Variants in ATG7 observed in about 807,000 individuals in gnomAD.
ATG7 encodes autophagy related 7.
ATG7 carries 70 observed loss-of-function variants against 82.4 expected under a neutral mutation model. The ratio of observed to expected loss-of-function variants is 0.85; its 90% CI spans 0.70 to 1.04. The LOEUF (loss-of-function observed/expected upper bound fraction) is 1.04, where lower values mean the gene tolerates loss of function less well. Ranked by LOEUF, ATG7 falls within the 50% of genes least tolerant of loss-of-function variation. The pLI, the probability that ATG7 is intolerant of heterozygous loss-of-function variation, is 0.00. For synonymous variants in ATG7, 287 were observed against 313.0 expected (o/e 0.92, Z 0.88); for missense variants, 792 against 864.3 (o/e 0.92, Z 1.05).
Position 11,404,070 on chromosome 3 carries a change from G to A in ATG7, c.1957-22734G>A, listed in dbSNP as rs545784381. 9.2e-4 allele frequency among the ~76,000 whole-genome samples: 138 copies of A among 150,468 alleles called. 1 individual carries two copies. The highest frequency in any genetic ancestry group is 3.1e-3 in the African/African-American group (127 of 40,936). On this transcript the variant is annotated intron_variant, in intron 19 of 20. Coordinates refer to ENST00000693202, the MANE Select transcript of ATG7 (RefSeq NM_001349232.2). ...TCTCAAATATTGGATTAATTGGTCA[G>A]AGCATCCATTTAAACATTTTGATTT...
intron 20 of ATG7, among the ~76,000 whole-genome samples, chr3:11,444,010 T>C (rs554468393): frequency 3.3e-5 from 5 of 152,206 alleles, no homozygotes; most frequent in African/African-American, 1.2e-4. Flanking sequence ...AACTTCAGTC[T>C]GGTATATGGG....
intron 20 of ATG7, among the ~76,000 whole-genome samples, chr3:11,468,359 G>A (rs529784833): frequency 1.3e-5 from 2 of 152,296 alleles, no homozygotes; most frequent in East Asian, 1.9e-4. Context: ...TGGAAGAACT[G>A]ATGGCTTTTT....
chr3:11,508,188 T>C (rs1660705775), intron 20 of ATG7, among the ~76,000 whole-genome samples: 1 of 152,102 alleles, frequency 6.6e-6, no homozygotes, highest in African/African-American at 2.4e-5. Context: ...TTACTAGCTA[T>C]GGACAGGCCC....
At chr3:11,326,046 A>G (rs1050676198) in intron 9 of ATG7, among the ~76,000 whole-genome samples, 2 of 152,170 alleles carry the variant, frequency 1.3e-5, no homozygotes, top group African/African-American at 4.8e-5. Context: ...TGGAGCCTGA[A>G]GAAATCCTTT....
intron 20 of ATG7, among the ~76,000 whole-genome samples, chr3:11,475,887 ACACACACACACACACACACACC>A (rs944183173): frequency 2.0e-5 from 3 of 150,170 alleles, no homozygotes; most frequent in African/African-American, 4.9e-5. Flanking sequence ...ACACACACAC[ACACACACACACACACACACACC>A]CCCTCCCAGA....
intron 20 of ATG7, among the ~76,000 whole-genome samples, chr3:11,486,074 T>C (rs1006552151): frequency 6.6e-5 from 10 of 152,228 alleles, no homozygotes; most frequent in African/African-American, 2.4e-4. Context: ...TCCAATTCTG[T>C]GAAGAAGGTC....
intron 20 of ATG7, among the ~76,000 whole-genome samples, chr3:11,500,681 C>T (rs77419935): frequency 0.032 from 4,864 of 152,202 alleles, 116 homozygotes; most frequent in Non-Finnish European, 0.05. Flanking sequence ...GAGTTTTGCT[C>T]TTGTTACCCA....
intron 20 of ATG7, among the ~76,000 whole-genome samples, chr3:11,536,977 C>G (rs1007224195): frequency 6.6e-6 from 1 of 152,154 alleles, no homozygotes; most frequent in Non-Finnish European, 1.5e-5. Flanking sequence ...TCCTGGTACT[C>G]CATGATCTTG....
intron 20 of ATG7, among the ~76,000 whole-genome samples, chr3:11,469,389 C>T (rs970835982): frequency 5.5e-4 from 83 of 151,678 alleles, no homozygotes; most frequent in African/African-American, 1.9e-3. Context: ...GTGGAGGTTG[C>T]GGTGAGCTGA....
At chr3:11,454,714 A>G (rs2085530178) in intron 20 of ATG7, among the ~76,000 whole-genome samples, 1 of 152,198 alleles carries the variant, frequency 6.6e-6, no homozygotes, top group Admixed American at 6.5e-5. Flanking sequence ...CAGCGTTTCA[A>G]TCTACCTAAC....
At chr3:11,390,789 C>T (rs1443519319) in intron 19 of ATG7, among the ~76,000 whole-genome samples, 1 of 151,978 alleles carries the variant, frequency 6.6e-6, no homozygotes, top group Admixed American at 6.6e-5. Context: ...CTTAAAATGG[C>T]ACATGGGTGT....
chr3:11,508,411 A>G (rs1436338328), intron 20 of ATG7, among the ~76,000 whole-genome samples: 3 of 152,138 alleles, frequency 2.0e-5, no homozygotes, highest in Non-Finnish European at 4.4e-5. Flanking sequence ...ATTCAAAGCC[A>G]TCCTGGGCCA....
intron 11 of ATG7, among the ~76,000 whole-genome samples, chr3:11,337,367 C>T (rs1952686398): frequency 6.6e-6 from 1 of 152,002 alleles, no homozygotes; most frequent in Non-Finnish European, 1.5e-5. Flanking sequence ...GCAGGAGAAT[C>T]GCTTGAACCT....
intron 20 of ATG7, among the ~76,000 whole-genome samples, chr3:11,460,331 C>G (rs2086185551): frequency 6.6e-6 from 1 of 152,166 alleles, no homozygotes; most frequent in Non-Finnish European, 1.5e-5. Flanking sequence ...GCTAAATATG[C>G]CAAATCAGCT....
At chr3:11,495,967 C>A (rs544147466) in intron 20 of ATG7, among the ~76,000 whole-genome samples, 1 of 152,160 alleles carries the variant, frequency 6.6e-6, no homozygotes, top group South Asian at 2.1e-4. Flanking sequence ...AGGCGCGTCA[C>A]GCTAGCATTT....
chr3:11,332,921 C>T, intron 10 of ATG7, 51 bp from the exon 11 acceptor site: 1 of 1,388,456 alleles, frequency 7.2e-7, no homozygotes, highest in Admixed American at 3.4e-5. Flanking sequence ...TTTTCTTTTC[C>T]TTCCTTTAAA....
At chr3:11,409,332 T>C (rs1266258625) in intron 19 of ATG7, among the ~76,000 whole-genome samples, 2 of 152,232 alleles carry the variant, frequency 1.3e-5, no homozygotes, top group Non-Finnish European at 2.9e-5. Flanking sequence ...TGCCATGCAG[T>C]GGCAGCAAGC....
At chr3:11,284,323 T>A (rs1943578212) in intron 3 of ATG7, among the ~76,000 whole-genome samples, 1 of 152,228 alleles carries the variant, frequency 6.6e-6, no homozygotes, top group African/African-American at 2.4e-5. Context: ...TTCAATTAAT[T>A]CTATAAGCAG....
At chr3:11,295,061 G>A (rs895483302) in intron 3 of ATG7, among the ~76,000 whole-genome samples, 1 of 152,154 alleles carries the variant, frequency 6.6e-6, no homozygotes, top group Non-Finnish European at 1.5e-5. Flanking sequence ...GCAGTGAGCC[G>A]AGACTGTGGC....
Sources: gnomAD v4.1 joint callset for allele counts (sites outside exome capture counted in the v4.1 genomes callset) on GRCh38, gnomAD v4.1.1 for gene constraint, MANE v1.5 for transcripts, NCBI Gene and HGNC (gene_info 2026-07-23, HGNC 2026-07-21) for gene names.